Variants in STAT1 observed in about 807,000 individuals in gnomAD.
STAT1 encodes the protein signal transducer and activator of transcription 1, also known as signal transducer and activator of transcription 1-alpha/beta.
In STAT1, 24 loss-of-function variants were observed where a neutral mutation model predicts 111.7. That is an observed-to-expected ratio of 0.21 (90% confidence interval 0.16 to 0.30). The LOEUF (loss-of-function observed/expected upper bound fraction) is 0.30. Among genes scored for constraint, STAT1 ranks in the 10% least tolerant of loss-of-function variants. The probability of loss-of-function intolerance (pLI) is 1.00; values close to 1 mark genes in which losing one functional copy is unlikely to be tolerated. For missense variants in STAT1, 351 were observed against 911.9 expected, an observed-to-expected ratio of 0.38 and a Z score of 7.92; for synonymous variants, 332 against 326.5, an observed-to-expected ratio of 1.02 and a Z score of -0.18.
Position 190,984,407 on chromosome 2 carries a change from A to C in STAT1, c.1264-14T>G. On this transcript the variant is annotated splice_polypyrimidine_tract_variant and intron_variant, in intron 15 of 24. Coordinates refer to ENST00000361099, the MANE Select transcript of STAT1 (RefSeq NM_007315.4). The surrounding 1 kb of genome is among the most constrained non-coding windows in gnomAD (Gnocchi z 5.2). ...GATGAGAGGACCCTTGGAAGAGAAA[A>C]GGAAAGAAGAAAAGAATATAATTAT... The C allele has an allele frequency of 6.2e-7, 1 of 1,604,598 alleles. No homozygotes were observed. Among genetic ancestry groups the C allele is most frequent in the South Asian group, 1.1e-5 (1 of 90,820 alleles).
chr2:191,005,107 G>T (rs1694580733), intron 5 of STAT1, among the ~76,000 whole-genome samples: 1 of 152,176 alleles, frequency 6.6e-6, no homozygotes, highest in African/African-American at 2.4e-5. Flanking sequence ...CATGTCTATA[G>T]AATTTTGTGG....
intron 10 of STAT1, 94 bp downstream of exon 10, chr2:190,994,965 ACC>A: frequency 4.8e-6 from 3 of 630,462 alleles, no homozygotes; most frequent in Non-Finnish European, 8.3e-6. Flanking sequence ...TATAAAAAAC[ACC>A]TATTAAACCC....
Position 190,985,548 on chromosome 2 carries a change from A to G in STAT1, c.1263+71T>C, listed in dbSNP as rs1574647239. On this transcript the variant is annotated intron_variant, in intron 15 of 24. Coordinates refer to ENST00000361099, the MANE Select transcript of STAT1 (RefSeq NM_007315.4). ...ACTCCTCTGTGAGGTGTCCCCAGCC[A>G]CCAACTGACCTGTCCTTGCTAGACA... The G allele has an allele frequency of 3.2e-6, 5 of 1,551,100 alleles. 1 individual carries two copies. In the Admixed American group the frequency reaches 8.3e-5, roughly 26 times the overall value.
rs1692101122 is a variant in STAT1, at chr2:190,978,686, A to T, written c.1873+170T>A. 1.2e-6 allele frequency: 1 copy of T among 839,952 alleles called. No individual in the cohort carries two copies. Among genetic ancestry groups the T allele is most frequent in the South Asian group, 1.5e-5 (1 of 65,206 alleles). 52.0% of individuals were successfully genotyped at this position (839,952 alleles called of 1,614,324 possible). A position where few individuals can be genotyped will look rare whatever the true frequency, so the allele number is the denominator to read the frequency against. On this transcript the variant is annotated intron_variant, in intron 21 of 24. Transcript: ENST00000361099. The surrounding 1 kb of genome is among the most constrained non-coding windows in gnomAD (Gnocchi z 6.1). Reference sequence around the variant, plus strand: ...ATGTTCCAGAGAGTGAACCACAACCACAAACATTTGTGGTGGTTTATTAAA... The same window carrying T: ...ATGTTCCAGAGAGTGAACCACAACCTCAAACATTTGTGGTGGTTTATTAAA...
rs959174487 is a variant in STAT1 at position 190,993,515 on chromosome 2, G to A, written c.944+1546C>T. 12 of 772,574 alleles carry A rather than the reference G, an allele frequency of 1.6e-5. No individual in the cohort carries two copies. The highest frequency in any genetic ancestry group is 7.2e-5 in the South Asian group (5 of 69,378). 47.9% of individuals were successfully genotyped at this position (772,574 alleles called of 1,614,324 possible). Reference sequence around the variant, plus strand: ...GGCAAGACTTTCCAACCCCAGAGTCGCCAATCAGAAGTAATTTGAATAAAT... The same window carrying A: ...GGCAAGACTTTCCAACCCCAGAGTCACCAATCAGAAGTAATTTGAATAAAT... On this transcript the variant is annotated intron_variant, in intron 10 of 24. Coordinates refer to ENST00000361099, the MANE Select transcript of STAT1 (RefSeq NM_007315.4). The surrounding 1 kb of genome is among the most constrained non-coding windows in gnomAD (Gnocchi z 4.1).
In STAT1 at chr2:190,981,428, T is replaced by A. The variant is rs568155092; in HGVS notation, c.1583-759A>T. ...GAGGAAGAAGCCCGGGGTTATTAGC[T>A]ACACAAATTAAAGCAGCCTGGGCGA... On this transcript the variant is annotated intron_variant, in intron 18 of 24. Transcript: ENST00000361099. This position sits in a 1 kb window ranked among gnomAD's most constrained non-coding sequence, Gnocchi z 4.1. Among the ~76,000 whole-genome samples, 93 of 152,178 alleles carry A rather than the reference T, an allele frequency of 6.1e-4. No individual in the cohort carries two copies. The highest frequency in any genetic ancestry group is 1.0e-3 in the Admixed American group (16 of 15,280).
Position 190,978,533 on chromosome 2 carries a change from T to C in STAT1, c.1873+323A>G, listed in dbSNP as rs1263965507. 2.6e-6 allele frequency: 1 copy of C among 390,118 alleles called. No individual in the cohort carries two copies. The highest frequency in any genetic ancestry group is 2.1e-5 in the African/African-American group (1 of 48,184). The allele number at this position is 390,118 out of a possible 1,614,324, so 24.2% of individuals were successfully genotyped here. ...AAGAGAATGTGGATGCTTACTCCTG[T>C]GGGAAATGTGATTCCTTCCAAGAAC... On this transcript the variant is annotated intron_variant, in intron 21 of 24. Transcript: ENST00000361099. This position sits in a 1 kb window ranked among gnomAD's most constrained non-coding sequence, Gnocchi z 6.1.
rs1416179919 is a variant in STAT1, at chr2:190,999,050, C to CA, written c.541+575dup. On this transcript the variant is annotated intron_variant, in intron 7 of 24. Coordinates refer to ENST00000361099, the MANE Select transcript of STAT1 (RefSeq NM_007315.4). The surrounding 1 kb of genome is among the most constrained non-coding windows in gnomAD (Gnocchi z 4.1). Reference sequence around the variant, plus strand: ...TACCCTACGTGTCCTACACAATGTACATTCTTGAGATCTTTTCTGTTGCTA... The same window carrying CA: ...TACCCTACGTGTCCTACACAATGTACAATTCTTGAGATCTTTTCTGTTGCTA... Among the ~76,000 whole-genome samples, 6 of 152,146 alleles carry CA rather than the reference C, an allele frequency of 3.9e-5. No individual in the cohort carries two copies. Among genetic ancestry groups the CA allele is most frequent in the Admixed American group, 2.6e-4 (4 of 15,280 alleles).
At position 190,975,190 on chromosome 2, in the gene STAT1, C is replaced by T. The variant is rs1691811607; in HGVS notation, c.2136-258G>A. Reference sequence around the variant, plus strand: ...AGCCAGACTGGAATCTGTGCCGCTTCTGCCTGGGTAAGCCTAGGTGTGAGC... The same window carrying T: ...AGCCAGACTGGAATCTGTGCCGCTTTTGCCTGGGTAAGCCTAGGTGTGAGC... On this transcript the variant is annotated intron_variant, in intron 23 of 24. Coordinates refer to ENST00000361099, the MANE Select transcript of STAT1 (RefSeq NM_007315.4). This position sits in a 1 kb window ranked among gnomAD's most constrained non-coding sequence, Gnocchi z 5.9. 2.0e-6 allele frequency: 1 copy of T among 494,488 alleles called. No homozygotes were observed. Among genetic ancestry groups the T allele is most frequent in the East Asian group, 4.7e-5 (1 of 21,448 alleles). 30.6% of individuals were successfully genotyped at this position (494,488 alleles called of 1,614,324 possible).
Position 190,984,475 on chromosome 2 carries a change from C to G in STAT1, c.1264-82G>C. The G allele has an allele frequency of 1.7e-6, 2 of 1,199,034 alleles. No homozygotes were observed. Among genetic ancestry groups the G allele is most frequent in the South Asian group, 2.5e-5 (2 of 78,652 alleles). The allele number at this position is 1,199,034 out of a possible 1,614,324, so 74.3% of individuals were successfully genotyped here. ...TTCAAAAGCCCAATTAACATTGCAA[C>G]AGGCCACAGAGATCCTGGGCCCAAT... On this transcript the variant is annotated intron_variant, in intron 15 of 24. Coordinates refer to ENST00000361099, the MANE Select transcript of STAT1 (RefSeq NM_007315.4). This position sits in a 1 kb window ranked among gnomAD's most constrained non-coding sequence, Gnocchi z 5.2.
Position 190,995,101 on chromosome 2 carries a change from A to AT in STAT1, c.903dup (p.Trp302MetfsTer56). Reference sequence around the variant, plus strand: ...TGGAAAAGACTGAAGGTGCGGTCCCATAACACTTGTTTGTTTTTTGTGATA... The same window carrying AT: ...TGGAAAAGACTGAAGGTGCGGTCCCATTAACACTTGTTTGTTTTTTGTGATA... On this transcript the variant is annotated frameshift_variant, in exon 10 of 25. Coordinates refer to ENST00000361099, the MANE Select transcript of STAT1 (RefSeq NM_007315.4). LOFTEE classifies it high-confidence loss of function. This position sits in a 1 kb window ranked among gnomAD's most constrained non-coding sequence, Gnocchi z 4.2. The AT allele has an allele frequency of 6.2e-7, 1 of 1,614,010 alleles. No individual in the cohort carries two copies. Among genetic ancestry groups the AT allele is most frequent in the Non-Finnish European group, 8.5e-7 (1 of 1,179,984 alleles).
rs1046123536 is a variant in STAT1, at chr2:190,974,785, C to A, written c.2238+45G>T. 20 of 1,539,208 alleles carry A rather than the reference C, an allele frequency of 1.3e-5. No individual in the cohort carries two copies. The highest frequency in any genetic ancestry group is 1.8e-5 in the Non-Finnish European group (20 of 1,111,912). On this transcript the variant is annotated intron_variant, in intron 24 of 24. Transcript: ENST00000361099. This position sits in a 1 kb window ranked among gnomAD's most constrained non-coding sequence, Gnocchi z 4.8. ...ATGGTGCGCTCCCTGCCTCTGAGCA[C>A]ACACACTTATTGAGAGCTACACACA...
Position 190,978,717 on chromosome 2 carries a change from T to C in STAT1, c.1873+139A>G. 9.4e-7 allele frequency: 1 copy of C among 1,059,314 alleles called. No homozygotes were observed. The highest frequency in any genetic ancestry group is 1.4e-6 in the Non-Finnish European group (1 of 712,964). The allele number at this position is 1,059,314 out of a possible 1,614,324, so 65.6% of individuals were successfully genotyped here. A position where few individuals can be genotyped will look rare whatever the true frequency, so the allele number is the denominator to read the frequency against. ...ATTTGTGGTGGTTTATTAAATCCTA[T>C]CGGGGGCTCATTTGGGGTAAGTATA... On this transcript the variant is annotated intron_variant, in intron 21 of 24. Transcript: ENST00000361099. This position sits in a 1 kb window ranked among gnomAD's most constrained non-coding sequence, Gnocchi z 6.1.
intron 10 of STAT1, among the ~76,000 whole-genome samples, chr2:190,994,640 G>A (rs1693674488): frequency 6.6e-6 from 1 of 152,040 alleles, no homozygotes; most frequent in African/African-American, 2.4e-5. Flanking sequence ...AAAATTTGAG[G>A]CCAGGCACAG....
Position 190,991,419 on chromosome 2 carries a change from C to T in STAT1, c.945-99G>A, listed in dbSNP as rs141426146. ...AAAGAAAAAAGGGGGTTAGAGAGTA[C>T]GATCTAAAAAATCATTTGAAAGATT... On this transcript the variant is annotated intron_variant, in intron 10 of 24. Transcript: ENST00000361099. 5.8e-4 allele frequency: 627 copies of T among 1,074,436 alleles called. 4 individuals are homozygous for T. The East Asian group carries it at 0.012, about 21-fold the overall frequency. 66.6% of individuals were successfully genotyped at this position (1,074,436 alleles called of 1,614,324 possible). A position where few individuals can be genotyped will look rare whatever the true frequency, so the allele number is the denominator to read the frequency against.
rs780960734 is a variant in STAT1 at position 190,987,249 on chromosome 2, G to GC, written c.1098-182dup. Among the ~76,000 whole-genome samples the GC allele has an allele frequency of 1.3e-5, 2 of 152,126 alleles. No homozygotes were observed. Among genetic ancestry groups the GC allele is most frequent in the East Asian group, 1.9e-4 (1 of 5,202 alleles). On this transcript the variant is annotated intron_variant, in intron 12 of 24. Coordinates refer to ENST00000361099, the MANE Select transcript of STAT1 (RefSeq NM_007315.4). The surrounding 1 kb of genome is among the most constrained non-coding windows in gnomAD (Gnocchi z 4.0). ...CTTCCATCTACCCATACTAGGTCTG[G>GC]CAAGTATCACTGAATGACCTTTGGC...
intron 2 of STAT1, chr2:191,010,577 C>CCTG: frequency 4.7e-6 from 1 of 210,868 alleles, no homozygotes; most frequent in East Asian, 1.3e-4. Flanking sequence ...AATCACAAGA[C>CCTG]TCTCCCAAAA....
chr2:190,980,558 C>T lies in STAT1; in HGVS notation c.1632+62G>A. 1 of 1,557,380 alleles carries T rather than the reference C, an allele frequency of 6.4e-7. No homozygotes were observed. Reference sequence around the variant, plus strand: ...GTTAAGTAACTATCACAGCAAGAAACATGAGAACCTCAACCAAGAGCAAAA... The same window carrying T: ...GTTAAGTAACTATCACAGCAAGAAATATGAGAACCTCAACCAAGAGCAAAA... On this transcript the variant is annotated intron_variant, in intron 19 of 24. Transcript: ENST00000361099. The surrounding 1 kb of genome is among the most constrained non-coding windows in gnomAD (Gnocchi z 6.1).
At position 190,998,967 on chromosome 2, in the gene STAT1, T is replaced by C. The variant is rs1161629309; in HGVS notation, c.541+659A>G. On this transcript the variant is annotated intron_variant, in intron 7 of 24. Coordinates refer to ENST00000361099, the MANE Select transcript of STAT1 (RefSeq NM_007315.4). This position sits in a 1 kb window ranked among gnomAD's most constrained non-coding sequence, Gnocchi z 4.1. ...CTTATACTTTCTACCCAAATCATACTGATAATCTCTGCCTATGAACCATGG... is the reference window on the plus strand; with the variant it reads ...CTTATACTTTCTACCCAAATCATACCGATAATCTCTGCCTATGAACCATGG... Among the ~76,000 whole-genome samples, 2 of 152,186 alleles carry C rather than the reference T, an allele frequency of 1.3e-5. No individual in the cohort carries two copies. Among genetic ancestry groups the C allele is most frequent in the Non-Finnish European group, 2.9e-5 (2 of 68,038 alleles).
Sources: gnomAD v4.1 joint callset for allele counts (sites outside exome capture counted in the v4.1 genomes callset) on GRCh38, gnomAD v4.1.1 for gene constraint, Gnocchi (gnomAD v3.1) non-coding constraint, MANE v1.5 for transcripts, NCBI Gene and HGNC (gene_info 2026-07-23, HGNC 2026-07-21) for gene names.